The following CDK6 variants were observed in gnomAD, a reference collection of about 807,000 sequenced individuals.
CDK6 encodes the protein cyclin dependent kinase 6, also known as cyclin-dependent kinase 6.
A neutral mutation model predicts 37.1 loss-of-function variants in CDK6; 6 were observed. The observed-to-expected ratio is 0.16, with a 90% CI of 0.09 to 0.32. The LOEUF is 0.32. CDK6 is among the 10% of genes least tolerant of loss of function. The probability of loss-of-function intolerance (pLI) is 1.00; values close to 1 mark genes in which losing one functional copy is unlikely to be tolerated. For missense variants in CDK6, 224 were observed against 418.9 expected, an observed-to-expected ratio of 0.53 and a Z score of 4.06; for synonymous variants, 160 against 161.3, an observed-to-expected ratio of 0.99 and a Z score of 0.06.
chr7:92,636,500 G>T (rs1796172901), intron 5 of CDK6, among the ~76,000 whole-genome samples: 1 of 152,008 alleles, frequency 6.6e-6, no homozygotes, highest in African/African-American at 2.4e-5. Flanking sequence ...CTCTAGAGAG[G>T]TACAACTCTC....
intron 5 of CDK6, among the ~76,000 whole-genome samples, chr7:92,653,437 C>CA (rs1435682063): frequency 4.6e-5 from 7 of 152,128 alleles, no homozygotes; most frequent in African/African-American, 1.7e-4. Context: ...ACCGCTTTGC[C>CA]AATGAATGAA....
chr7:92,829,770 G>A (rs982926668), intron 2 of CDK6, among the ~76,000 whole-genome samples: 1 of 152,104 alleles, frequency 6.6e-6, no homozygotes, highest in East Asian at 1.9e-4. Flanking sequence ...CCTGGTAACC[G>A]AATTATCAGA....
intron 5 of CDK6, among the ~76,000 whole-genome samples, chr7:92,651,205 G>A (rs112661850): frequency 1.6e-3 from 249 of 152,242 alleles, no homozygotes; most frequent in African/African-American, 5.5e-3. Context: ...TGTTTTTAAA[G>A]GACTCATGTG....
At chr7:92,652,332 C>A (rs1796595204) in intron 5 of CDK6, among the ~76,000 whole-genome samples, 1 of 152,182 alleles carries the variant, frequency 6.6e-6, no homozygotes, top group African/African-American at 2.4e-5. Context: ...TTTAGCTACT[C>A]CATTTTACGT....
At chr7:92,754,404 A>G (rs1361207997) in intron 3 of CDK6, among the ~76,000 whole-genome samples, 1 of 152,228 alleles carries the variant, frequency 6.6e-6, no homozygotes, top group Admixed American at 6.5e-5. Context: ...TTCCAGGTCT[A>G]CATAAATGAA....
chr7:92,725,679 C>A lies in CDK6; in HGVS notation c.484G>T (p.Ala162Ser), dbSNP rs1011850285. 1 of 1,614,024 alleles carries A rather than the reference C, an allele frequency of 6.2e-7. No individual in the cohort carries two copies. Among genetic ancestry groups the A allele is most frequent in the Non-Finnish European group, 8.5e-7 (1 of 1,179,956 alleles). Residue 162 changes from alanine to serine, a missense_variant, in exon 4 of 8, where the codon GCT becomes TCT. Coordinates refer to ENST00000424848, the MANE Select transcript of CDK6 (RefSeq NM_001145306.2). ...TAGATGCGGGCAAGGCCGAAGTCAG[C>A]GAGTTTTATTTGTCCGCTGCTGGTC... ...LVTSSGQIKL[A>S]DFGLARIYSF...
At chr7:92,767,770 G>A (rs1799618339) in intron 3 of CDK6, among the ~76,000 whole-genome samples, 1 of 152,078 alleles carries the variant, frequency 6.6e-6, no homozygotes, top group African/African-American at 2.4e-5. Context: ...GAGGGGTGCA[G>A]AGTGGGGAGG....
intron 3 of CDK6, among the ~76,000 whole-genome samples, chr7:92,758,514 C>G (rs1361440501): frequency 6.6e-6 from 1 of 152,124 alleles, no homozygotes; most frequent in African/African-American, 2.4e-5. Context: ...GTACCAGTAC[C>G]GTGCTGCTTT....
chr7:92,645,453 G>A (rs1796424058), intron 5 of CDK6, among the ~76,000 whole-genome samples: 1 of 152,214 alleles, frequency 6.6e-6, no homozygotes, highest in African/African-American at 2.4e-5. Flanking sequence ...CACCTGATAT[G>A]CAGTTTCTAT....
intron 2 of CDK6, among the ~76,000 whole-genome samples, chr7:92,819,198 T>C (rs1163486911): frequency 6.6e-6 from 1 of 152,000 alleles, no homozygotes. Context: ...ATAAACAAAT[T>C]GTGGTAAATC....
chr7:92,750,770 G>T (rs1358347922), intron 3 of CDK6, among the ~76,000 whole-genome samples: 1 of 152,138 alleles, frequency 6.6e-6, no homozygotes, highest in Admixed American at 6.6e-5. Context: ...GTCACAGTGT[G>T]ATCTGAATTG....
intron 2 of CDK6, among the ~76,000 whole-genome samples, chr7:92,824,290 A>G (rs1801255975): frequency 6.6e-6 from 1 of 152,114 alleles, no homozygotes; most frequent in African/African-American, 2.4e-5. Flanking sequence ...GAACAGCCTC[A>G]GAAAATAAAC....
intron 3 of CDK6, among the ~76,000 whole-genome samples, chr7:92,766,737 G>A (rs1412831026): frequency 6.6e-6 from 1 of 152,154 alleles, no homozygotes; most frequent in Non-Finnish European, 1.5e-5. Context: ...CTGTTGCCAT[G>A]GTGATATAAA....
chr7:92,772,641 C>T lies in CDK6; in HGVS notation c.369+2055G>A, dbSNP rs905881929. Among the ~76,000 whole-genome samples the T allele has an allele frequency of 2.0e-5, 3 of 152,128 alleles. No homozygotes were observed. In the South Asian group the frequency reaches 6.2e-4, roughly 31 times the overall value. ...CTCCATCCTGGCTCAGCCACTGCCC[C>T]CTGTCTTCTCCTCCCCTTTCTTACT... On this transcript the variant is annotated intron_variant, in intron 3 of 7. Transcript: ENST00000424848.
chr7:92,613,089 T>G lies in CDK6; in HGVS notation c.*2051A>C, dbSNP rs1017813804. On this transcript the variant is annotated 3_prime_UTR_variant, in exon 8 of 8. Coordinates refer to ENST00000424848, the MANE Select transcript of CDK6 (RefSeq NM_001145306.2). ...GAAAACATTTGTATGGCCCATCTCC[T>G]TTATTATCTTGCTCTAGAAAACAAT... is the stretch of plus-strand genomic sequence containing the variant. 2.1e-5 allele frequency: 5 copies of G among 233,030 alleles called. No individual in the cohort carries two copies. Among genetic ancestry groups the G allele is most frequent in the Non-Finnish European group, 4.2e-5 (5 of 117,996 alleles). 14.4% of individuals were successfully genotyped at this position (233,030 alleles called of 1,614,324 possible).
intron 2 of CDK6, among the ~76,000 whole-genome samples, chr7:92,800,568 C>T (rs959815816): frequency 1.3e-5 from 2 of 152,168 alleles, no homozygotes; most frequent in South Asian, 4.1e-4. Flanking sequence ...AGGTTATAAA[C>T]TCACTTAAAG....
intron 4 of CDK6, among the ~76,000 whole-genome samples, chr7:92,694,169 T>A (rs1585405013): frequency 6.6e-6 from 1 of 152,230 alleles, no homozygotes; most frequent in Admixed American, 6.5e-5. Context: ...ATATTAGTTT[T>A]AAATAAATAT....
chr7:92,629,374 T>C (rs1796002633), intron 5 of CDK6, among the ~76,000 whole-genome samples: 1 of 152,012 alleles, frequency 6.6e-6, no homozygotes, highest in African/African-American at 2.4e-5. Flanking sequence ...TCATATTTAC[T>C]GGACTATGAG....
At chr7:92,750,618 T>C (rs1041696151) in intron 3 of CDK6, among the ~76,000 whole-genome samples, 4 of 152,226 alleles carry the variant, frequency 2.6e-5, no homozygotes, top group African/African-American at 9.6e-5. Context: ...AAGCCATTTC[T>C]AAACAAAAGT....
Sources: gnomAD v4.1 joint callset for allele counts (sites outside exome capture counted in the v4.1 genomes callset) on GRCh38, gnomAD v4.1.1 for gene constraint, MANE v1.5 for transcripts, NCBI Gene and HGNC (gene_info 2026-07-23, HGNC 2026-07-21) for gene names.